Variants in FAM118B observed in about 807,000 individuals in gnomAD.
The protein encoded by FAM118B is SIR2 antiphage like 1.
In FAM118B, 24 loss-of-function variants were observed where a neutral mutation model predicts 38.5. The ratio of observed to expected loss-of-function variants is 0.62; its 90% CI spans 0.45 to 0.88. FAM118B has a LOEUF of 0.88. FAM118B is among the 40% of genes least tolerant of loss of function. FAM118B has a pLI of 0.00. For synonymous variants in FAM118B, 138 were observed against 156.3 expected (o/e 0.88, Z 0.87); for missense variants, 334 against 420.0 (o/e 0.80, Z 1.79).
At chr11:126,221,477 A>G (rs936351476) in intron 1 of FAM118B, among the ~76,000 whole-genome samples, 1 of 152,136 alleles carries the variant, frequency 6.6e-6, no homozygotes, top group Non-Finnish European at 1.5e-5. Flanking sequence ...ATAACTTAGG[A>G]TAAGGAGCAG....
At chr11:126,261,167 G>GTAAAATA (rs1950688957) in intron 7 of FAM118B, 1 of 459,804 alleles carries the variant, frequency 2.2e-6, no homozygotes, top group Non-Finnish European at 3.9e-6. Context: ...AATGTAAAAT[G>GTAAAATA]TAAAATGTAA....
At chr11:126,254,050 C>A (rs1950541018) in intron 5 of FAM118B, among the ~76,000 whole-genome samples, 1 of 152,218 alleles carries the variant, frequency 6.6e-6, no homozygotes, top group Non-Finnish European at 1.5e-5. Context: ...CCTGTTGTTT[C>A]TGCAAATTAT....
At chr11:126,221,601 C>A (rs1489550369) in intron 1 of FAM118B, among the ~76,000 whole-genome samples, 3 of 151,986 alleles carry the variant, frequency 2.0e-5, no homozygotes, top group African/African-American at 7.2e-5. Context: ...CCTGAAGCAC[C>A]ACCGAGATCT....
intron 1 of FAM118B, chr11:126,214,520 T>TTTTTTTTTTTTTTTTTTTTTTTTTTTTC (rs1565322499): frequency 7.6e-6 from 1 of 131,904 alleles, no homozygotes; most frequent in South Asian, 2.7e-4. Context: ...TTTTGTTTTT[T>TTTTTTTTTTTTTTTTTTTTTTTTTTTTC]TTTTTTTACC....
At chr11:126,260,596 ATC>A (rs1463029025) in intron 7 of FAM118B, 1 of 152,134 alleles carries the variant, frequency 6.6e-6, no homozygotes, top group Non-Finnish European at 1.5e-5. Flanking sequence ...TAACATCTGT[ATC>A]TCTTCAGTTT....
intron 1 of FAM118B, among the ~76,000 whole-genome samples, chr11:126,225,352 C>A (rs1390707213): frequency 6.6e-6 from 1 of 152,212 alleles, no homozygotes; most frequent in Non-Finnish European, 1.5e-5. Flanking sequence ...TTCAAAAGGT[C>A]ATAATCAATA....
chr11:126,237,543 T>A (rs1263429905), intron 3 of FAM118B, among the ~76,000 whole-genome samples: 2 of 140,520 alleles, frequency 1.4e-5, no homozygotes, highest in Non-Finnish European at 3.1e-5. Flanking sequence ...TGGCCAATTT[T>A]AAAAAAATCT....
intron 7 of FAM118B, among the ~76,000 whole-genome samples, chr11:126,260,000 G>C (rs931310652): frequency 6.6e-6 from 1 of 152,078 alleles, no homozygotes; most frequent in African/African-American, 2.4e-5. Context: ...GATTACAGGC[G>C]TGAGCCACTG....
At chr11:126,257,363 A>G (rs1950593298) in intron 7 of FAM118B, among the ~76,000 whole-genome samples, 4 of 152,250 alleles carry the variant, frequency 2.6e-5, no homozygotes, top group Admixed American at 2.6e-4. Context: ...ACACAATTGT[A>G]CAAAGATGCA....
intron 1 of FAM118B, among the ~76,000 whole-genome samples, chr11:126,223,647 A>G (rs146356545): frequency 1.3e-5 from 2 of 151,804 alleles, no homozygotes; most frequent in Admixed American, 1.3e-4. Context: ...ATTGTATTTT[A>G]GATAGATTTA....
intron 4 of FAM118B, among the ~76,000 whole-genome samples, chr11:126,243,229 G>A (rs1284059475): frequency 1.3e-5 from 2 of 152,210 alleles, no homozygotes; most frequent in Non-Finnish European, 2.9e-5. Context: ...AAAAAATAGA[G>A]TAGGAGGGAG....
chr11:126,227,299 A>T (rs1371712608), intron 1 of FAM118B, among the ~76,000 whole-genome samples: 2 of 151,902 alleles, frequency 1.3e-5, no homozygotes, highest in Non-Finnish European at 2.9e-5. Context: ...CTGACCTCAG[A>T]TGATCCACCT....
chr11:126,218,983 T>C (rs1371112374), intron 1 of FAM118B, among the ~76,000 whole-genome samples: 1 of 152,236 alleles, frequency 6.6e-6, no homozygotes, highest in East Asian at 1.9e-4. Context: ...GTGGAGAAAA[T>C]AGATGAAAAT....
At chr11:126,221,809 A>C (rs1345924399) in intron 1 of FAM118B, among the ~76,000 whole-genome samples, 3 of 152,106 alleles carry the variant, frequency 2.0e-5, no homozygotes, top group African/African-American at 7.2e-5. Context: ...GATGGACTTC[A>C]GTGTTGGGTG....
chr11:126,261,485 G>T lies in FAM118B; in HGVS notation c.1042+1G>T, dbSNP rs1388419291. 6.2e-7 allele frequency: 1 copy of T among 1,610,230 alleles called. No individual in the cohort carries two copies. On this transcript the variant is annotated splice_donor_variant, in intron 8 of 8. Transcript: ENST00000533050. LOFTEE classifies it high-confidence loss of function. ...TCTGCAGCACACAGTGAAATAAGAG[G>T]TATACTGTTTCCTATTCTACTATTT...
chr11:126,248,986 G>C (rs1389425184), intron 4 of FAM118B, among the ~76,000 whole-genome samples: 1 of 152,198 alleles, frequency 6.6e-6, no homozygotes, highest in Non-Finnish European at 1.5e-5. Flanking sequence ...TTTCCCACCT[G>C]AAGTTGGTAT....
intron 2 of FAM118B, among the ~76,000 whole-genome samples, chr11:126,230,991 C>T (rs546956692): frequency 4.6e-5 from 7 of 152,284 alleles, no homozygotes; most frequent in Non-Finnish European, 8.8e-5. Context: ...CTAGAACACT[C>T]GCCCTTTTTC....
At chr11:126,233,647 T>A in intron 2 of FAM118B, 1 of 440,212 alleles carries the variant, frequency 2.3e-6, no homozygotes, top group East Asian at 7.0e-5. Context: ...AACTCACTAC[T>A]GTGACTGTAT....
rs771780788 is a variant in FAM118B at position 126,261,490 on chromosome 11, C to T, written c.1042+6C>T. Reference sequence around the variant, plus strand: ...AGCACACAGTGAAATAAGAGGTATACTGTTTCCTATTCTACTATTTATCAC... The same window carrying T: ...AGCACACAGTGAAATAAGAGGTATATTGTTTCCTATTCTACTATTTATCAC... On this transcript the variant is annotated splice_donor_region_variant and intron_variant, in intron 8 of 8. Coordinates refer to ENST00000533050, the MANE Select transcript of FAM118B (RefSeq NM_024556.4). The T allele has an allele frequency of 3.1e-6, 5 of 1,609,776 alleles. No individual in the cohort carries two copies. In the East Asian group the frequency reaches 8.9e-5, roughly 29 times the overall value.
Sources: gnomAD v4.1 joint callset for allele counts (sites outside exome capture counted in the v4.1 genomes callset) on GRCh38, gnomAD v4.1.1 for gene constraint, MANE v1.5 for transcripts, NCBI Gene and HGNC (gene_info 2026-07-23, HGNC 2026-07-21) for gene names.